LRRTM4: variants seen among roughly 807,000 people sequenced by gnomAD.
The protein encoded by LRRTM4 is leucine rich repeat transmembrane neuronal 4.
LRRTM4 carries 25 observed loss-of-function variants against 47.6 expected under a neutral mutation model. The observed-to-expected ratio is 0.53, with a 90% confidence interval of 0.38 to 0.73. LRRTM4 has a LOEUF of 0.73. LRRTM4 is among the 30% of genes least tolerant of loss of function. LRRTM4 has a pLI of 0.00. For missense variants in LRRTM4, 638 were observed against 713.4 expected (o/e 0.89, Z 1.20); for synonymous variants, 311 against 269.5 (o/e 1.15, Z -1.51).
rs56140303 is a variant in LRRTM4, at chr2:76,936,954, C to CAAAAAAAAAAAAAAAA, written c.1552-188054_1552-188039dup. On this transcript the variant is annotated intron_variant, in intron 3 of 3. Coordinates refer to ENST00000409884, the MANE Select transcript of LRRTM4 (RefSeq NM_001134745.3). ...TGGGCGACAGAGCAAGACTCCATCT[C>CAAAAAAAAAAAAAAAA]AAAAAAAAAAAAAAAAAAAAAAAAA... Among the ~76,000 whole-genome samples the CAAAAAAAAAAAAAAAA allele has an allele frequency of 9.3e-4, 21 of 22,692 alleles. 1 individual carries two copies. Among genetic ancestry groups the CAAAAAAAAAAAAAAAA allele is most frequent in the Non-Finnish European group, 9.8e-4 (11 of 11,222 alleles). The allele number at this position is 22,692 out of a possible 152,430, so 14.9% of individuals were successfully genotyped here. A position where few individuals can be genotyped will look rare whatever the true frequency, so the allele number is the denominator to read the frequency against.
chr2:77,096,135 A>G (rs1670805531), intron 3 of LRRTM4, among the ~76,000 whole-genome samples: 1 of 151,960 alleles, frequency 6.6e-6, no homozygotes, highest in Non-Finnish European at 1.5e-5. Context: ...TATACCCCAT[A>G]AATATAATCA....
At chr2:77,052,450 T>G (rs1679468635) in intron 3 of LRRTM4, among the ~76,000 whole-genome samples, 1 of 151,998 alleles carries the variant, frequency 6.6e-6, no homozygotes, top group Non-Finnish European at 1.5e-5. Context: ...ATTACAGGTG[T>G]GAGCCACCAT....
chr2:77,081,647 G>T (rs934808730), intron 3 of LRRTM4, among the ~76,000 whole-genome samples: 1 of 151,988 alleles, frequency 6.6e-6, no homozygotes, highest in African/African-American at 2.4e-5. Context: ...TCAAGTTTGG[G>T]GTTCTATATA....
intron 3 of LRRTM4, among the ~76,000 whole-genome samples, chr2:77,041,132 A>T (rs1679018091): frequency 6.6e-6 from 1 of 151,522 alleles, no homozygotes; most frequent in Admixed American, 6.6e-5. Flanking sequence ...TACTTCTGTT[A>T]GATCAACTTT....
At chr2:76,836,852 G>A (rs1671529135) in intron 3 of LRRTM4, among the ~76,000 whole-genome samples, 1 of 152,234 alleles carries the variant, frequency 6.6e-6, no homozygotes, top group African/African-American at 2.4e-5. Flanking sequence ...ATGTATGGCT[G>A]TGAGTTTTTT....
chr2:77,511,553 T>G lies in LRRTM4; in HGVS notation c.1551+6765A>C, dbSNP rs181926977. On this transcript the variant is annotated intron_variant, in intron 3 of 3. Transcript: ENST00000409884. Reference sequence around the variant, plus strand: ...TTTTAAGCACATTTGCTAACTTATTTTAAGCAAGTTTGCTAACTTATTTTA... The same window carrying G: ...TTTTAAGCACATTTGCTAACTTATTGTAAGCAAGTTTGCTAACTTATTTTA... 3.5e-3 allele frequency among the ~76,000 whole-genome samples: 530 copies of G among 152,108 alleles called. 2 individuals are homozygous for G. Among genetic ancestry groups the G allele is most frequent in the African/African-American group, 0.012 (503 of 41,558 alleles).
intron 3 of LRRTM4, among the ~76,000 whole-genome samples, chr2:77,414,366 A>G (rs918024733): frequency 1.3e-5 from 2 of 152,210 alleles, no homozygotes; most frequent in Admixed American, 1.3e-4. Context: ...CTACAAAAAA[A>G]GAGCGAAATA....
chr2:77,132,191 C>T (rs1572993189), intron 3 of LRRTM4, among the ~76,000 whole-genome samples: 1 of 152,134 alleles, frequency 6.6e-6, no homozygotes, highest in African/African-American at 2.4e-5. Flanking sequence ...CTACTCCCTA[C>T]CTTCATAAAA....
intron 3 of LRRTM4, among the ~76,000 whole-genome samples, chr2:76,969,139 A>G (rs1205512086): frequency 6.6e-6 from 1 of 151,886 alleles, no homozygotes; most frequent in Non-Finnish European, 1.5e-5. Flanking sequence ...CTCCTTAAAG[A>G]CACCCTTCTC....
At chr2:76,855,585 TA>T (rs1672125410) in intron 3 of LRRTM4, among the ~76,000 whole-genome samples, 1 of 152,136 alleles carries the variant, frequency 6.6e-6, no homozygotes, top group African/African-American at 2.4e-5. Context: ...TTAACAAAAC[TA>T]CCAAAAGGAT....
chr2:76,914,614 T>A (rs984559937), intron 3 of LRRTM4, among the ~76,000 whole-genome samples: 1 of 152,194 alleles, frequency 6.6e-6, no homozygotes. Context: ...AGGTAGAGAA[T>A]TGCATGTGTA....
chr2:77,091,971 T>C (rs938278260), intron 3 of LRRTM4, among the ~76,000 whole-genome samples: 1 of 151,082 alleles, frequency 6.6e-6, no homozygotes, highest in Admixed American at 6.6e-5. Context: ...CTGTAGCCTT[T>C]CTGTCCAAAC....
At chr2:76,752,540 C>T (rs748242187) in intron 3 of LRRTM4, among the ~76,000 whole-genome samples, 10 of 152,106 alleles carry the variant, frequency 6.6e-5, no homozygotes, top group Non-Finnish European at 1.3e-4. Flanking sequence ...TGTAAAGTTC[C>T]CTCCTGCACA....
intron 3 of LRRTM4, among the ~76,000 whole-genome samples, chr2:77,358,677 T>C (rs1479921721): frequency 1.3e-5 from 2 of 152,236 alleles, no homozygotes; most frequent in African/African-American, 4.8e-5. Context: ...ATTTCATTCA[T>C]GAGAGACATT....
intron 3 of LRRTM4, among the ~76,000 whole-genome samples, chr2:77,178,540 C>T (rs941987823): frequency 6.6e-5 from 10 of 151,948 alleles, no homozygotes; most frequent in South Asian, 4.1e-4. Context: ...GAGTCAAGAT[C>T]GCGCCACTGC....
At chr2:77,231,440 A>G (rs1017405585) in intron 3 of LRRTM4, among the ~76,000 whole-genome samples, 9 of 152,188 alleles carry the variant, frequency 5.9e-5, no homozygotes, top group African/African-American at 1.9e-4. Flanking sequence ...AATCTAGTCC[A>G]TGGCCTGTTT....
chr2:77,308,337 G>A (rs917724774), intron 3 of LRRTM4, among the ~76,000 whole-genome samples: 4 of 151,812 alleles, frequency 2.6e-5, no homozygotes, highest in Non-Finnish European at 5.9e-5. Flanking sequence ...TACAATTTAA[G>A]TTTCAATACT....
At chr2:77,451,007 T>C (rs553254014) in intron 3 of LRRTM4, among the ~76,000 whole-genome samples, 6 of 152,308 alleles carry the variant, frequency 3.9e-5, no homozygotes, top group Admixed American at 6.5e-5. Context: ...AAATTCTATA[T>C]GTAAACTTTT....
chr2:77,258,176 G>C (rs1402601998), intron 3 of LRRTM4, among the ~76,000 whole-genome samples: 1 of 150,978 alleles, frequency 6.6e-6, no homozygotes, highest in African/African-American at 2.4e-5. Flanking sequence ...AATAACTAAA[G>C]GTAAAAATAG....
Sources: gnomAD v4.1 joint callset for allele counts (sites outside exome capture counted in the v4.1 genomes callset) on GRCh38, gnomAD v4.1.1 for gene constraint, MANE v1.5 for transcripts, NCBI Gene and HGNC (gene_info 2026-07-23, HGNC 2026-07-21) for gene names.